COL23A1: variants seen among roughly 807,000 people sequenced by gnomAD.
COL23A1 encodes collagen alpha-1(XXIII) chain.
A neutral mutation model predicts 99.3 loss-of-function variants in COL23A1; 97 were observed. The ratio of observed to expected loss-of-function variants is 0.98; its 90% confidence interval spans 0.83 to 1.16. COL23A1 has a LOEUF of 1.16. Among genes scored for constraint, COL23A1 ranks in the 50% most tolerant of loss-of-function variants. The probability of loss-of-function intolerance (pLI) is 0.00; values close to 1 mark genes in which losing one functional copy is unlikely to be tolerated. For missense variants in COL23A1, 762 were observed against 757.4 expected, an observed-to-expected ratio of 1.01 and a Z score of -0.07; for synonymous variants, 320 against 308.2, an observed-to-expected ratio of 1.04 and a Z score of -0.40.
At chr5:178,283,175 C>G (rs980539122) in intron 5 of COL23A1, among the ~76,000 whole-genome samples, 1 of 152,102 alleles carries the variant, frequency 6.6e-6, no homozygotes, top group East Asian at 1.9e-4. Flanking sequence ...CGTGAGCCAC[C>G]GCGCCCGGCC....
rs762044365 is a variant in COL23A1, at chr5:178,256,893, GT to G, written c.809del (p.Asn270ThrfsTer39). 1.2e-6 allele frequency: 2 copies of G among 1,613,506 alleles called. No homozygotes were observed. Among genetic ancestry groups the G allele is most frequent in the Admixed American group, 1.7e-5 (1 of 59,986 alleles). On this transcript the variant is annotated frameshift_variant, in exon 14 of 29. Transcript: ENST00000390654. LOFTEE classifies it high-confidence loss of function. ...EPGSMGPRGENGVDGAPGPKG... is the reference protein window; with the variant it reads ...EPGSMGPRGEXGVDGAPGPKG... ...TCGGTCCTGGGGCACCGTCCACACC[GT>G]TCTCTCCCCGAGGCCCCATGCTCCC...
intron 2 of COL23A1, among the ~76,000 whole-genome samples, chr5:178,347,039 T>G (rs934394616): frequency 6.6e-6 from 1 of 152,154 alleles, no homozygotes; most frequent in African/African-American, 2.4e-5. Context: ...GCCCATCTGG[T>G]GAGCAGGGTG....
intron 2 of COL23A1, among the ~76,000 whole-genome samples, chr5:178,380,155 G>GT (rs1763301467): frequency 6.6e-6 from 1 of 152,282 alleles, no homozygotes; most frequent in South Asian, 2.1e-4. Context: ...CTGAGGAATG[G>GT]TTTTATTTAT....
chr5:178,519,464 G>A (rs1003555325), intron 2 of COL23A1, among the ~76,000 whole-genome samples: 4 of 152,230 alleles, frequency 2.6e-5, no homozygotes, highest in Admixed American at 6.5e-5. Flanking sequence ...AAGTGGCCGC[G>A]CCCTGCACAA....
intron 16 of COL23A1, among the ~76,000 whole-genome samples, 184 bp downstream of exon 16, chr5:178,254,761 GCTCT>G (rs1309437997): frequency 6.6e-6 from 1 of 152,196 alleles, no homozygotes; most frequent in African/African-American, 2.4e-5. Context: ...ATTCACAGGG[GCTCT>G]CTGAGGCGGG....
intron 2 of COL23A1, among the ~76,000 whole-genome samples, chr5:178,463,645 T>A (rs1025817930): frequency 1.3e-5 from 2 of 152,208 alleles, no homozygotes; most frequent in African/African-American, 4.8e-5. Context: ...ACTCACTCCG[T>A]CACACAGCTG....
chr5:178,389,897 C>T (rs1763873163), intron 2 of COL23A1, among the ~76,000 whole-genome samples: 1 of 152,326 alleles, frequency 6.6e-6, no homozygotes, highest in Non-Finnish European at 1.5e-5. Context: ...TCTGAAGTGG[C>T]ACCGGCTGCC....
intron 2 of COL23A1, among the ~76,000 whole-genome samples, chr5:178,543,103 T>C (rs1417118252): frequency 6.6e-6 from 1 of 151,930 alleles, no homozygotes; most frequent in Non-Finnish European, 1.5e-5. Context: ...GAGAGCATAA[T>C]TGGCTTGTTT....
At chr5:178,578,516 G>C (rs1469896327) in intron 1 of COL23A1, among the ~76,000 whole-genome samples, 3 of 152,148 alleles carry the variant, frequency 2.0e-5, no homozygotes, top group African/African-American at 7.2e-5. Flanking sequence ...TGTTCCTCCC[G>C]GGAGGCCCAA....
intron 2 of COL23A1, among the ~76,000 whole-genome samples, chr5:178,554,832 C>T (rs977702546): frequency 2.7e-5 from 4 of 149,758 alleles, no homozygotes; most frequent in East Asian, 1.9e-4. Context: ...CATTCTGGGA[C>T]GTAAAAAAAA....
At chr5:178,380,803 C>G (rs114208900) in intron 2 of COL23A1, among the ~76,000 whole-genome samples, 1 of 152,178 alleles carries the variant, frequency 6.6e-6, no homozygotes, top group Non-Finnish European at 1.5e-5. Flanking sequence ...TCCCCAGCGT[C>G]CTGCTGAGCA....
Position 178,499,979 on chromosome 5 carries a change from C to G in COL23A1, c.361+60703G>C, listed in dbSNP as rs146274837. Among the ~76,000 whole-genome samples, 6 of 152,244 alleles carry G rather than the reference C, an allele frequency of 3.9e-5. No homozygotes were observed. The East Asian group carries it at 9.7e-4, about 25-fold the overall frequency. On this transcript the variant is annotated intron_variant, in intron 2 of 28. Coordinates refer to ENST00000390654, the MANE Select transcript of COL23A1 (RefSeq NM_173465.4). ...CAAAATGGTCCATACTGTATGATTACAGTTACATAGACTTCTTGGAAGCCC... is the reference window on the plus strand; with the variant it reads ...CAAAATGGTCCATACTGTATGATTAGAGTTACATAGACTTCTTGGAAGCCC...
chr5:178,569,739 G>T (rs377358257), intron 1 of COL23A1, among the ~76,000 whole-genome samples: 2 of 152,094 alleles, frequency 1.3e-5, no homozygotes, highest in East Asian at 3.9e-4. Context: ...GGTTCCTCCT[G>T]GTTTAGCAGG....
At chr5:178,522,668 G>A (rs977408664) in intron 2 of COL23A1, among the ~76,000 whole-genome samples, 1 of 152,144 alleles carries the variant, frequency 6.6e-6, no homozygotes, top group Non-Finnish European at 1.5e-5. Flanking sequence ...AGTGGTGGAG[G>A]GCACGATAGA....
At chr5:178,539,796 T>C (rs1226978272) in intron 2 of COL23A1, among the ~76,000 whole-genome samples, 2 of 152,142 alleles carry the variant, frequency 1.3e-5, no homozygotes, top group East Asian at 3.9e-4. Context: ...CATAACCTTA[T>C]ACCAAAACTG....
In COL23A1 at chr5:178,439,328, T is replaced by C. The variant is rs1450344394; in HGVS notation, c.361+121354A>G. 3.3e-5 allele frequency: 5 copies of C among 152,302 alleles called. No individual in the cohort carries two copies. The highest frequency in any genetic ancestry group is 7.2e-5 in the African/African-American group (3 of 41,542). 9.4% of individuals were successfully genotyped at this position (152,302 alleles called of 1,614,324 possible). On this transcript the variant is annotated intron_variant, in intron 2 of 28. Coordinates refer to ENST00000390654, the MANE Select transcript of COL23A1 (RefSeq NM_173465.4). The surrounding 1 kb of genome is among the most constrained non-coding windows in gnomAD (Gnocchi z 4.2). Reference sequence around the variant, plus strand: ...CTTTTCTCTCTCAGCCACTTGCTGATTGAGGCTGAGCCAGTTACCAAAGTC... The same window carrying C: ...CTTTTCTCTCTCAGCCACTTGCTGACTGAGGCTGAGCCAGTTACCAAAGTC...
chr5:178,464,311 A>T (rs1756295812), intron 2 of COL23A1, among the ~76,000 whole-genome samples: 1 of 152,228 alleles, frequency 6.6e-6, no homozygotes, highest in South Asian at 2.1e-4. Flanking sequence ...TGCAGTATGT[A>T]TCCTTTTGTG....
rs112952760 is a variant in COL23A1 at position 178,294,987 on chromosome 5, CAACAAAACAA to C, written c.407-4628_407-4619del. ...TGAAACCCTGTCTTTATTAAAAATA[CAACAAAACAA>C]AACAAAACAAAACAAAAAACAAAAA... On this transcript the variant is annotated intron_variant, in intron 3 of 28. Transcript: ENST00000390654. Among the ~76,000 whole-genome samples the C allele has an allele frequency of 8.3e-3, 1,256 of 152,184 alleles. 14 individuals carry two copies. Among genetic ancestry groups the C allele is most frequent in the African/African-American group, 0.029 (1,191 of 41,530 alleles).
At chr5:178,521,510 G>A (rs1295903703) in intron 2 of COL23A1, among the ~76,000 whole-genome samples, 1 of 148,184 alleles carries the variant, frequency 6.7e-6, no homozygotes, top group Admixed American at 6.9e-5. Context: ...CCGAGATGGC[G>A]CCATTGCACT....
Sources: gnomAD v4.1 joint callset for allele counts (sites outside exome capture counted in the v4.1 genomes callset) on GRCh38, gnomAD v4.1.1 for gene constraint, Gnocchi (gnomAD v3.1) non-coding constraint, MANE v1.5 for transcripts, NCBI Gene and HGNC (gene_info 2026-07-23, HGNC 2026-07-21) for gene names.